The following SPAG16 variants were observed in gnomAD, a reference collection of about 807,000 sequenced individuals.
SPAG16 encodes sperm-associated antigen 16 protein.
SPAG16 carries 86 observed loss-of-function variants against 80.4 expected under a neutral mutation model. The observed-to-expected ratio is 1.07, with a 90% CI of 0.90 to 1.28. The LOEUF is 1.28. SPAG16 is among the 50% of genes most tolerant of loss of function. The pLI, the probability that SPAG16 is intolerant of heterozygous loss-of-function variation, is 0.00. For synonymous variants in SPAG16, 294 were observed against 265.9 expected (o/e 1.11, Z -1.03); for missense variants, 870 against 765.3 (o/e 1.14, Z -1.61).
intron 15 of SPAG16, among the ~76,000 whole-genome samples, chr2:214,197,980 C>A (rs2057895327): frequency 1.3e-5 from 2 of 151,508 alleles, no homozygotes; most frequent in Admixed American, 6.6e-5. Context: ...TGAAAATGGC[C>A]CAAGGTTTTT....
At chr2:213,463,742 A>G (rs2072516025) in intron 9 of SPAG16, among the ~76,000 whole-genome samples, 1 of 152,260 alleles carries the variant, frequency 6.6e-6, no homozygotes, top group Non-Finnish European at 1.5e-5. Context: ...CCTCATGGAG[A>G]AACTCTGCTA....
intron 3 of SPAG16, among the ~76,000 whole-genome samples, chr2:213,302,872 C>T (rs1402512395): frequency 6.6e-6 from 1 of 151,974 alleles, no homozygotes; most frequent in Non-Finnish European, 1.5e-5. Context: ...GTGTTGCAAC[C>T]GTACATACAA....
Position 213,862,583 on chromosome 2 carries a change from G to A in SPAG16, c.1169G>A (p.Gly390Glu). Residue 390 changes from glycine (G) to glutamate (E), a missense_variant, in exon 11 of 16, where the codon GGA becomes GAA. Transcript: ENST00000331683. ...GLPKCNVLLT[G>E]FGHTDWLSDC... ...CCAAAATGCAATGTGCTTCTCACGG[G>A]ATTTGGCCACACTGACTGGCTTTCA... The A allele has an allele frequency of 6.2e-7, 1 of 1,614,122 alleles. No individual in the cohort carries two copies.
Position 214,134,572 on chromosome 2 carries a change from G to A in SPAG16, c.1594-14568G>A, listed in dbSNP as rs73076885. ...GCACAGGCTCCATAAATATTTGTTT[G>A]ATGAATGAAGAGATAGGTTTTCTAT... On this transcript the variant is annotated intron_variant, in intron 14 of 15. Transcript: ENST00000331683. Among the ~76,000 whole-genome samples the A allele has an allele frequency of 5.5e-3, 838 of 152,260 alleles. 7 individuals carry two copies. Among genetic ancestry groups the A allele is most frequent in the African/African-American group, 0.02 (816 of 41,542 alleles).
chr2:214,279,973 A>G (rs1047710021), intron 15 of SPAG16, among the ~76,000 whole-genome samples: 1 of 152,222 alleles, frequency 6.6e-6, no homozygotes, highest in Non-Finnish European at 1.5e-5. Context: ...GAATGATGCT[A>G]AAGCAGTTCT....
At chr2:213,431,435 G>A (rs2070290695) in intron 9 of SPAG16, among the ~76,000 whole-genome samples, 1 of 151,652 alleles carries the variant, frequency 6.6e-6, no homozygotes, top group South Asian at 2.1e-4. Context: ...CAAACAGAGA[G>A]CAGAGGCAAG....
rs139043723 is a variant in SPAG16 at position 213,708,713 on chromosome 2, G to C, written c.1071-153772G>C. Among the ~76,000 whole-genome samples the C allele has an allele frequency of 2.0e-3, 308 of 152,260 alleles. 5 individuals carry two copies. The highest frequency in any genetic ancestry group is 7.2e-3 in the African/African-American group (300 of 41,550). On this transcript the variant is annotated intron_variant, in intron 10 of 15. Transcript: ENST00000331683. ...CCGCAGGAGAATCACTTGAACCCAG[G>C]AGGCAGAGGCTGCAGTGAGCCGAGA...
chr2:214,376,149 A>G (rs890064284), intron 15 of SPAG16, among the ~76,000 whole-genome samples: 15 of 152,166 alleles, frequency 9.9e-5, no homozygotes, highest in Non-Finnish European at 4.4e-5. Flanking sequence ...ATATGTGACA[A>G]ATTGTTGAGA....
Position 213,498,736 on chromosome 2 carries a change from T to G in SPAG16, c.1070+8646T>G, listed in dbSNP as rs986005336. 3.9e-5 allele frequency among the ~76,000 whole-genome samples: 6 copies of G among 152,300 alleles called. No individual in the cohort carries two copies. The South Asian group carries it at 1.2e-3, about 32-fold the overall frequency. On this transcript the variant is annotated intron_variant, in intron 10 of 15. Coordinates refer to ENST00000331683, the MANE Select transcript of SPAG16 (RefSeq NM_024532.5). The stretch of plus-strand genomic sequence containing the variant: ...GCTCACCAACTTTCTCCCATTTTAT[T>G]TAATGTTATTATCATCCATATGGTC...
intron 9 of SPAG16, among the ~76,000 whole-genome samples, chr2:213,385,792 CCACA>C (rs55899353): frequency 1.2e-4 from 18 of 149,438 alleles, no homozygotes; most frequent in African/African-American, 4.2e-4. Context: ...TCATCTCTGT[CCACA>C]CACACACACA....
At chr2:213,679,560 T>TC (rs2064276560) in intron 10 of SPAG16, among the ~76,000 whole-genome samples, 1 of 152,200 alleles carries the variant, frequency 6.6e-6, no homozygotes, top group South Asian at 2.1e-4. Flanking sequence ...AAACTTTTTT[T>TC]CCCACTTCCT....
At chr2:213,592,670 G>T (rs549484030) in intron 10 of SPAG16, among the ~76,000 whole-genome samples, 30 of 152,294 alleles carry the variant, frequency 2.0e-4, no homozygotes, top group African/African-American at 7.2e-4. Flanking sequence ...TTCATTTGAA[G>T]ATAAGAGCTG....
intron 10 of SPAG16, among the ~76,000 whole-genome samples, chr2:213,742,779 C>G (rs1351320551): frequency 3.3e-5 from 5 of 151,802 alleles, no homozygotes; most frequent in Non-Finnish European, 7.4e-5. Flanking sequence ...TCCTGAACCC[C>G]TGACCTCAGG....
At chr2:213,443,061 A>T (rs1045529101) in intron 9 of SPAG16, among the ~76,000 whole-genome samples, 9 of 152,226 alleles carry the variant, frequency 5.9e-5, no homozygotes, top group Admixed American at 2.0e-4. Flanking sequence ...TATATATTTA[A>T]GGTGTAAAAC....
intron 15 of SPAG16, among the ~76,000 whole-genome samples, chr2:214,351,428 G>T (rs1698398319): frequency 6.6e-6 from 1 of 152,046 alleles, no homozygotes; most frequent in South Asian, 2.1e-4. Flanking sequence ...TTGGCCGGGC[G>T]CTGTGGCTCA....
At position 213,702,367 on chromosome 2, in the gene SPAG16, T is replaced by C. The variant is rs76316789; in HGVS notation, c.1071-160118T>C. ...AGGTTTGTTCTTTCACTTTTTGCAA[T>C]AAATCTTGCTGCTGCTGTTTGGGTC... On this transcript the variant is annotated intron_variant, in intron 10 of 15. Coordinates refer to ENST00000331683, the MANE Select transcript of SPAG16 (RefSeq NM_024532.5). 2.1e-3 allele frequency among the ~76,000 whole-genome samples: 327 copies of C among 152,346 alleles called. 3 individuals are homozygous for C. The highest frequency in any genetic ancestry group is 7.4e-3 in the African/African-American group (306 of 41,582).
At position 213,732,339 on chromosome 2, in the gene SPAG16, G is replaced by A. The variant is rs199586436; in HGVS notation, c.1071-130146G>A. The stretch of plus-strand genomic sequence containing the variant: ...ACTCCCATTCACGATTGCCCCCCCC[G>A]CAAAAAAAATGCCCAGGAATACAGG... On this transcript the variant is annotated intron_variant, in intron 10 of 15. Coordinates refer to ENST00000331683, the MANE Select transcript of SPAG16 (RefSeq NM_024532.5). Among the ~76,000 whole-genome samples the A allele has an allele frequency of 4.2e-4, 7 of 16,666 alleles. No homozygotes were observed. In the Non-Finnish European group the frequency reaches 4.4e-3, roughly 11 times the overall value. The allele number at this position is 16,666 out of a possible 152,430, so 10.9% of individuals were successfully genotyped here. A position where few individuals can be genotyped will look rare whatever the true frequency, so the allele number is the denominator to read the frequency against.
At chr2:213,854,590 A>G (rs544063814) in intron 10 of SPAG16, among the ~76,000 whole-genome samples, 1 of 152,344 alleles carries the variant, frequency 6.6e-6, no homozygotes, top group South Asian at 2.1e-4. Context: ...AATTTTCACT[A>G]TGTGTCTAGC....
At chr2:213,556,510 CATT>C (rs2059431219) in intron 10 of SPAG16, among the ~76,000 whole-genome samples, 1 of 151,988 alleles carries the variant, frequency 6.6e-6, no homozygotes, top group Non-Finnish European at 1.5e-5. Context: ...AAAAGAATAT[CATT>C]ATATGATAAA....
Sources: gnomAD v4.1 joint callset for allele counts (sites outside exome capture counted in the v4.1 genomes callset) on GRCh38, gnomAD v4.1.1 for gene constraint, MANE v1.5 for transcripts, NCBI Gene and HGNC (gene_info 2026-07-23, HGNC 2026-07-21) for gene names.